Variants in SEC63 observed in about 807,000 individuals in gnomAD.
SEC63 encodes the protein SEC63 protein translocation regulator.
SEC63 carries 56 observed loss-of-function variants against 116.2 expected under a neutral mutation model. The observed-to-expected ratio is 0.48, with a 90% confidence interval of 0.39 to 0.60. The LOEUF (loss-of-function observed/expected upper bound fraction) is 0.60, where lower values mean the gene tolerates loss of function less well. SEC63 is among the 20% of genes least tolerant of loss of function. SEC63 has a pLI of 0.00. For missense variants in SEC63, 668 were observed against 900.0 expected (o/e 0.74, Z 3.30); for synonymous variants, 273 against 294.6 (o/e 0.93, Z 0.75).
At chr6:107,887,464 T>A (rs1246551843) in intron 16 of SEC63, among the ~76,000 whole-genome samples, 2 of 146,824 alleles carry the variant, frequency 1.4e-5, no homozygotes, top group East Asian at 3.9e-4. Flanking sequence ...TGGATGAAAT[T>A]GGAAATCATC....
chr6:107,920,112 T>C (rs1787519232), intron 4 of SEC63, among the ~76,000 whole-genome samples: 1 of 151,940 alleles, frequency 6.6e-6, no homozygotes, highest in Non-Finnish European at 1.5e-5. Flanking sequence ...TAAATTAAGG[T>C]ATGTACATTG....
intron 4 of SEC63, among the ~76,000 whole-genome samples, chr6:107,918,553 A>G (rs1424468220): frequency 1.3e-5 from 2 of 152,000 alleles, no homozygotes; most frequent in East Asian, 3.9e-4. Context: ...TTTGCCAGGC[A>G]TGGTGGTGCA....
chr6:107,911,374 G>A lies in SEC63; in HGVS notation c.596C>T (p.Ala199Val). 6.2e-7 allele frequency: 1 copy of A among 1,608,016 alleles called. No individual in the cohort carries two copies. The highest frequency in any genetic ancestry group is 1.7e-5 in the Admixed American group (1 of 59,974). ...SILVLLVYGL[A>V]FMVILPVVVG... Reference sequence around the variant, plus strand: ...AACAACTGGAAGGATAACCATAAATGCCAATCCATATACAAGTAAAACCTA... The same window carrying A: ...AACAACTGGAAGGATAACCATAAATACCAATCCATATACAAGTAAAACCTA... Residue 199 changes from alanine to valine, a missense_variant, in exon 7 of 21, where the codon GCA becomes GTA. Coordinates refer to ENST00000369002, the MANE Select transcript of SEC63 (RefSeq NM_007214.5).
chr6:107,905,169 T>TA (rs1313041045), intron 10 of SEC63, among the ~76,000 whole-genome samples: 1 of 152,246 alleles, frequency 6.6e-6, no homozygotes, highest in Admixed American at 6.5e-5. Context: ...AGTTAACTAT[T>TA]AAGACCACAT....
intron 18 of SEC63, 115 bp from the exon 19 acceptor site, chr6:107,876,777 C>G (rs1786285338): frequency 2.9e-6 from 2 of 693,874 alleles, no homozygotes; most frequent in Admixed American, 4.7e-5. Flanking sequence ...TGACAAACTG[C>G]TTGGTACAAA....
intron 14 of SEC63, among the ~76,000 whole-genome samples, chr6:107,896,052 G>C (rs989812110): frequency 6.6e-6 from 1 of 151,994 alleles, no homozygotes; most frequent in South Asian, 2.1e-4. Context: ...TGTGGTCCCA[G>C]CTACTCAGGA....
chr6:107,881,503 GCCTC>G (rs1396633929), intron 17 of SEC63, among the ~76,000 whole-genome samples: 1 of 151,820 alleles, frequency 6.6e-6, no homozygotes, highest in Non-Finnish European at 1.5e-5. Flanking sequence ...TCCTGTCACT[GCCTC>G]CCTCCTTGTG....
intron 1 of SEC63, among the ~76,000 whole-genome samples, chr6:107,951,743 G>A (rs534767974): frequency 1.3e-5 from 2 of 152,010 alleles, no homozygotes; most frequent in South Asian, 2.1e-4. Flanking sequence ...CAGCACTTTG[G>A]GAGGCTGAGG....
chr6:107,952,292 T>C (rs1256682786), intron 1 of SEC63, among the ~76,000 whole-genome samples: 1 of 152,202 alleles, frequency 6.6e-6, no homozygotes, highest in Non-Finnish European at 1.5e-5. Flanking sequence ...AAACGAACTA[T>C]TTCCATTTTT....
chr6:107,919,594 A>G (rs954128728), intron 4 of SEC63, among the ~76,000 whole-genome samples: 8 of 151,886 alleles, frequency 5.3e-5, no homozygotes, highest in Admixed American at 3.3e-4. Flanking sequence ...AGGCCAAGGC[A>G]GGCGTATCAC....
At chr6:107,922,995 TAA>T (rs1170007380) in intron 3 of SEC63, among the ~76,000 whole-genome samples, 2 of 145,696 alleles carry the variant, frequency 1.4e-5, no homozygotes. Context: ...TCATTTTCTT[TAA>T]AAAAAAAAAA....
chr6:107,945,439 T>C (rs1770462298), intron 1 of SEC63, among the ~76,000 whole-genome samples: 4 of 151,808 alleles, frequency 2.6e-5, no homozygotes, highest in Admixed American at 2.6e-4. Context: ...CCCGAGCAGC[T>C]GGGACTAAAG....
intron 14 of SEC63, among the ~76,000 whole-genome samples, chr6:107,895,812 C>A (rs1164592728): frequency 1.4e-5 from 2 of 141,732 alleles, no homozygotes; most frequent in Non-Finnish European, 3.0e-5. Flanking sequence ...CCTTTGAACC[C>A]AGGAGTTTGA....
At chr6:107,882,849 A>G in intron 17 of SEC63, 139 bp downstream of exon 17, 2 of 586,720 alleles carry the variant, frequency 3.4e-6, no homozygotes, top group East Asian at 5.8e-5. Flanking sequence ...CTTCAAAGTA[A>G]TAAAATTATA....
At chr6:107,893,703 A>T in intron 15 of SEC63, 48 bp from the exon 16 acceptor site, 1 of 1,609,290 alleles carries the variant, frequency 6.2e-7, no homozygotes, top group Non-Finnish European at 8.5e-7. Context: ...AACAGATTCA[A>T]TTGAAGGTTG....
intron 16 of SEC63, among the ~76,000 whole-genome samples, chr6:107,888,554 T>G (rs570941976): frequency 8.5e-5 from 13 of 152,334 alleles, no homozygotes; most frequent in Admixed American, 4.6e-4. Context: ...ACAATGTGAC[T>G]TCTTCTTTTC....
chr6:107,872,311 C>T (rs920110420), intron 20 of SEC63, among the ~76,000 whole-genome samples: 1 of 152,102 alleles, frequency 6.6e-6, no homozygotes, highest in African/African-American at 2.4e-5. Flanking sequence ...TACTTTTACC[C>T]TTTATAATGC....
intron 19 of SEC63, among the ~76,000 whole-genome samples, chr6:107,875,915 A>G (rs1786252998): frequency 6.6e-6 from 1 of 152,198 alleles, no homozygotes; most frequent in African/African-American, 2.4e-5. Context: ...CTATAAATTT[A>G]TTATTAACCT....
intron 1 of SEC63, among the ~76,000 whole-genome samples, chr6:107,936,069 T>A (rs1036133590): frequency 2.8e-4 from 42 of 152,340 alleles, no homozygotes; most frequent in African/African-American, 9.9e-4. Context: ...TTGATGAGGT[T>A]TTATAAGAAC....
Sources: allele counts gnomAD v4.1 joint callset (sites outside exome capture counted in the v4.1 genomes callset), GRCh38; gene constraint gnomAD v4.1.1; transcripts MANE v1.5; gene names NCBI Gene and HGNC (gene_info 2026-07-23, HGNC 2026-07-21).